LINGO2: variants seen among roughly 807,000 people sequenced by gnomAD.
LINGO2 encodes the protein leucine-rich repeat and immunoglobulin-like domain-containing nogo receptor-interacting protein 2.
In LINGO2, 14 loss-of-function variants were observed where a neutral mutation model predicts 30.6. That is an observed-to-expected ratio of 0.46 (90% CI 0.30 to 0.72). The LOEUF (loss-of-function observed/expected upper bound fraction) is 0.72, where lower values mean the gene tolerates loss of function less well. LINGO2 is among the 30% of genes least tolerant of loss of function. The probability of loss-of-function intolerance (pLI) is 0.07; values close to 1 mark genes in which losing one functional copy is unlikely to be tolerated. For missense variants in LINGO2, 729 were observed against 751.7 expected (o/e 0.97, Z 0.35); for synonymous variants, 317 against 288.5 (o/e 1.10, Z -1.00).
chr9:28,085,437 G>GCCTCTAGGGTACTACTGAGA (rs1825881413), intron 4 of LINGO2, among the ~76,000 whole-genome samples: 1 of 151,786 alleles, frequency 6.6e-6, no homozygotes, highest in Non-Finnish European at 1.5e-5. Flanking sequence ...CTTTTCTGAG[G>GCCTCTAGGGTACTACTGAGA]GCCTCTAGGG....
chr9:29,039,650 C>A, the LINGO2 span, among the ~76,000 whole-genome samples: 271 of 152,242 alleles, frequency 1.8e-3, 1 homozygote, highest in African/African-American at 6.2e-3. Context: ...ATGGCTACCC[C>A]GACCTTTCTA....
chr9:29,211,884 T>G, the LINGO2 span, among the ~76,000 whole-genome samples: 1 of 152,006 alleles, frequency 6.6e-6, no homozygotes, highest in Non-Finnish European at 1.5e-5. Context: ...AGCAGCCAAA[T>G]ATTCAAGGGA....
chr9:28,986,805 C>G, the LINGO2 span, among the ~76,000 whole-genome samples: 1 of 151,898 alleles, frequency 6.6e-6, no homozygotes, highest in African/African-American at 2.4e-5. Context: ...TTTTGAAAAT[C>G]TCATGTAATT....
chr9:29,189,684 G>C, the LINGO2 span, among the ~76,000 whole-genome samples: 2 of 152,080 alleles, frequency 1.3e-5, no homozygotes, highest in African/African-American at 4.8e-5. Context: ...TGGTTGTAGC[G>C]AGCCGAGATC....
the LINGO2 span, among the ~76,000 whole-genome samples, chr9:28,863,343 T>C: frequency 6.6e-6 from 1 of 152,110 alleles, no homozygotes. Context: ...TCATGTTTTT[T>C]TAACCAAGAA....
intron 1 of LINGO2, among the ~76,000 whole-genome samples, chr9:28,557,358 A>G (rs1442865991): frequency 2.6e-5 from 4 of 152,176 alleles, no homozygotes; most frequent in South Asian, 2.1e-4. Flanking sequence ...ACACTTCTTA[A>G]AAGAAGACAT....
intron 1 of LINGO2, among the ~76,000 whole-genome samples, chr9:28,601,448 T>G (rs1223007317): frequency 6.6e-6 from 1 of 152,046 alleles, no homozygotes; most frequent in Non-Finnish European, 1.5e-5. Flanking sequence ...TGATTCACAT[T>G]AATGGCTTGA....
intron 1 of LINGO2, among the ~76,000 whole-genome samples, chr9:28,580,924 T>A (rs751790485): frequency 3.4e-4 from 51 of 151,924 alleles, no homozygotes; most frequent in Non-Finnish European, 7.1e-4. Flanking sequence ...AAAATAAACA[T>A]TTTTTCACTG....
intron 3 of LINGO2, among the ~76,000 whole-genome samples, chr9:28,298,073 G>A (rs1469904486): frequency 2.0e-5 from 3 of 152,102 alleles, no homozygotes; most frequent in African/African-American, 7.2e-5. Context: ...CCATGACATT[G>A]GTTTGAAACT....
At chr9:28,512,863 G>T (rs1012293676) in intron 1 of LINGO2, among the ~76,000 whole-genome samples, 6 of 151,230 alleles carry the variant, frequency 4.0e-5, no homozygotes, top group African/African-American at 1.5e-4. Flanking sequence ...AGGCTGAGAG[G>T]CTAGTCCAGT....
chr9:28,764,899 T>C, the LINGO2 span, among the ~76,000 whole-genome samples: 2 of 151,996 alleles, frequency 1.3e-5, no homozygotes, highest in African/African-American at 4.8e-5. Flanking sequence ...ACTGCATTTA[T>C]GATAGCATCA....
chr9:29,175,903 C>A, the LINGO2 span, among the ~76,000 whole-genome samples: 2 of 151,982 alleles, frequency 1.3e-5, no homozygotes, highest in Non-Finnish European at 1.5e-5. Context: ...TTCTTTTTCC[C>A]TGAACTTATT....
At chr9:28,650,860 C>T (rs1410343698) in intron 1 of LINGO2, among the ~76,000 whole-genome samples, 1 of 152,134 alleles carries the variant, frequency 6.6e-6, no homozygotes, top group East Asian at 1.9e-4. Context: ...GTTTGGCTTA[C>T]CAGCCAATTT....
chr9:29,124,207 T>C, the LINGO2 span, among the ~76,000 whole-genome samples: 10 of 152,188 alleles, frequency 6.6e-5, no homozygotes, highest in Admixed American at 6.5e-4. Context: ...TGACTAGCCA[T>C]ATGCAGAAAA....
chr9:28,648,670 G>A lies in LINGO2; in HGVS notation c.-365+21530C>T, dbSNP rs1029390612. ...AAAAACAATTGTCCTCTTTCTCACAGTGGAGTAGAAAGATTTGACTTCACA... is the reference window on the plus strand; with the variant it reads ...AAAAACAATTGTCCTCTTTCTCACAATGGAGTAGAAAGATTTGACTTCACA... On this transcript the variant is annotated intron_variant, in intron 1 of 5. Transcript: ENST00000379992. 2.0e-5 allele frequency among the ~76,000 whole-genome samples: 3 copies of A among 152,158 alleles called. 1 individual carries two copies. The East Asian group carries it at 5.8e-4, about 29-fold the overall frequency.
At chr9:28,366,140 C>T (rs768707600) in intron 3 of LINGO2, among the ~76,000 whole-genome samples, 3 of 152,150 alleles carry the variant, frequency 2.0e-5, no homozygotes, top group South Asian at 2.1e-4. Flanking sequence ...GTCTAACCTC[C>T]GTTGCTACCA....
the LINGO2 span, among the ~76,000 whole-genome samples, chr9:28,848,395 G>GTATATA: frequency 2.8e-4 from 11 of 38,802 alleles, 1 homozygote; most frequent in African/African-American, 6.3e-4. Flanking sequence ...GTGTGTGTGT[G>GTATATA]TGTATATATA....
the LINGO2 span, among the ~76,000 whole-genome samples, chr9:28,754,635 C>T: frequency 7.0e-6 from 1 of 143,466 alleles, no homozygotes. Context: ...TGTTTCTGTC[C>T]TTTTTTTTTT....
intron 4 of LINGO2, among the ~76,000 whole-genome samples, chr9:28,068,682 A>G (rs1825385279): frequency 6.6e-6 from 1 of 152,196 alleles, no homozygotes; most frequent in Non-Finnish European, 1.5e-5. Context: ...ACAATCCTGT[A>G]AGATAAGTAA....
Sources: gnomAD v4.1 joint callset for allele counts (sites outside exome capture counted in the v4.1 genomes callset) on GRCh38, gnomAD v4.1.1 for gene constraint, MANE v1.5 for transcripts, NCBI Gene and HGNC (gene_info 2026-07-23, HGNC 2026-07-21) for gene names.